PTPN9: variants seen among roughly 807,000 people sequenced by gnomAD.
PTPN9 encodes tyrosine-protein phosphatase non-receptor type 9.
A neutral mutation model predicts 69.8 loss-of-function variants in PTPN9; 26 were observed. The ratio of observed to expected loss-of-function variants is 0.37; its 90% CI spans 0.27 to 0.52. The LOEUF (loss-of-function observed/expected upper bound fraction) is 0.52. PTPN9 is among the 20% of genes least tolerant of loss of function. The probability of loss-of-function intolerance (pLI) is 0.91; values close to 1 mark genes in which losing one functional copy is unlikely to be tolerated. For synonymous variants in PTPN9, 274 were observed against 272.5 expected, an observed-to-expected ratio of 1.01 and a Z score of -0.05; for missense variants, 549 against 740.3, an observed-to-expected ratio of 0.74 and a Z score of 3.00.
At chr15:75,560,629 T>C (rs1296045193) in intron 1 of PTPN9, among the ~76,000 whole-genome samples, 1 of 152,228 alleles carries the variant, frequency 6.6e-6, no homozygotes, top group African/African-American at 2.4e-5. Flanking sequence ...CCTAGCACTC[T>C]GGGAGGCCAA....
chr15:75,578,644 G>C (rs950080359), intron 1 of PTPN9, 70 bp downstream of exon 1: 26 of 1,207,860 alleles, frequency 2.2e-5, no homozygotes, highest in African/African-American at 1.1e-4. Context: ...GCCGGCACTC[G>C]GGAGGCAGAG....
intron 1 of PTPN9, among the ~76,000 whole-genome samples, chr15:75,571,183 C>G (rs980515597): frequency 6.6e-6 from 1 of 151,902 alleles, no homozygotes; most frequent in African/African-American, 2.4e-5. Context: ...TTGCTTGAAC[C>G]CGGGAGGCGG....
chr15:75,565,117 T>C (rs900262214), intron 1 of PTPN9, among the ~76,000 whole-genome samples: 1 of 139,600 alleles, frequency 7.2e-6, no homozygotes, highest in African/African-American at 2.7e-5. Context: ...TATATAATAA[T>C]AATAATAATA....
intron 7 of PTPN9, among the ~76,000 whole-genome samples, chr15:75,499,730 G>T (rs910932726): frequency 2.6e-5 from 4 of 151,970 alleles, no homozygotes; most frequent in African/African-American, 9.7e-5. Flanking sequence ...TGGAGGAGGG[G>T]AGACTCCATA....
intron 1 of PTPN9, among the ~76,000 whole-genome samples, chr15:75,559,322 G>A (rs1047321625): frequency 1.7e-4 from 26 of 152,270 alleles, no homozygotes; most frequent in Admixed American, 8.5e-4. Context: ...CGGTTTTGTC[G>A]AGTAGAAAAG....
At chr15:75,559,909 G>A (rs2075097070) in intron 1 of PTPN9, among the ~76,000 whole-genome samples, 1 of 152,070 alleles carries the variant, frequency 6.6e-6, no homozygotes, top group Non-Finnish European at 1.5e-5. Context: ...GGAGGCCAAG[G>A]TGGGCAGATC....
In PTPN9 at chr15:75,563,359, T is replaced by G. The variant is rs180902457; in HGVS notation, c.63+15355A>C. ...ACCTGCCACCATGCCCAGCTAACTT[T>G]GGTATTTTTAGTAGAGAAAGGGTTT... On this transcript the variant is annotated intron_variant, in intron 1 of 12. Coordinates refer to ENST00000618819, the MANE Select transcript of PTPN9 (RefSeq NM_002833.4). Among the ~76,000 whole-genome samples, 4 of 152,228 alleles carry G rather than the reference T, an allele frequency of 2.6e-5. No homozygotes were observed. The East Asian group carries it at 7.7e-4, about 29-fold the overall frequency.
At chr15:75,544,557 AACAC>A (rs754902897) in intron 1 of PTPN9, among the ~76,000 whole-genome samples, 1 of 151,902 alleles carries the variant, frequency 6.6e-6, no homozygotes, top group Non-Finnish European at 1.5e-5. Context: ...AAACAAACAA[AACAC>A]ACACACACAA....
At chr15:75,488,110 G>A (rs576548784) in intron 8 of PTPN9, among the ~76,000 whole-genome samples, 6 of 151,742 alleles carry the variant, frequency 4.0e-5, no homozygotes, top group African/African-American at 1.2e-4. Flanking sequence ...ATGAAACCCC[G>A]TATCTACTAA....
intron 4 of PTPN9, among the ~76,000 whole-genome samples, chr15:75,517,749 GT>G (rs879590890): frequency 1.3e-5 from 2 of 152,024 alleles, no homozygotes; most frequent in Non-Finnish European, 2.9e-5. Flanking sequence ...GCTACCAATT[GT>G]TTTTTCCCTT....
intron 1 of PTPN9, among the ~76,000 whole-genome samples, chr15:75,578,171 C>A (rs1324104220): frequency 1.3e-5 from 2 of 152,128 alleles, no homozygotes; most frequent in African/African-American, 4.8e-5. Context: ...ACGAGAAGGG[C>A]TGGATCTTCC....
At chr15:75,571,985 A>G (rs1351158836) in intron 1 of PTPN9, among the ~76,000 whole-genome samples, 2 of 152,150 alleles carry the variant, frequency 1.3e-5, no homozygotes, top group African/African-American at 4.8e-5. Flanking sequence ...TGCAAAACCA[A>G]AATACCCTGA....
intron 7 of PTPN9, among the ~76,000 whole-genome samples, chr15:75,492,299 C>T (rs2074715401): frequency 6.6e-6 from 1 of 152,130 alleles, no homozygotes; most frequent in South Asian, 2.1e-4. Context: ...GTGGAGACAT[C>T]AGCACACAAA....
chr15:75,504,798 T>TG (rs1366500226), intron 7 of PTPN9, among the ~76,000 whole-genome samples: 21 of 112,372 alleles, frequency 1.9e-4, no homozygotes, highest in East Asian at 1.1e-3. Context: ...GGGAGGGAGG[T>TG]GGGGGGGTCA....
chr15:75,502,009 G>T (rs1195939071), intron 7 of PTPN9, among the ~76,000 whole-genome samples: 3 of 152,132 alleles, frequency 2.0e-5, no homozygotes, highest in African/African-American at 7.2e-5. Context: ...AATAAAAAAT[G>T]AGCTGGACAT....
At chr15:75,503,603 A>G (rs1326210392) in intron 7 of PTPN9, among the ~76,000 whole-genome samples, 200 of 127,026 alleles carry the variant, frequency 1.6e-3, no homozygotes, top group South Asian at 2.8e-3. Flanking sequence ...TGGGGGGGTC[A>G]GCCCCCCGCC....
intron 7 of PTPN9, among the ~76,000 whole-genome samples, chr15:75,502,827 T>TA (rs796306937): frequency 2.4e-4 from 36 of 152,076 alleles, no homozygotes; most frequent in Admixed American, 1.4e-3. Context: ...CTACTTTTTT[T>TA]AAAAAAAACT....
At chr15:75,553,202 T>C (rs577227349) in intron 1 of PTPN9, among the ~76,000 whole-genome samples, 2 of 152,280 alleles carry the variant, frequency 1.3e-5, no homozygotes, top group South Asian at 4.1e-4. Flanking sequence ...TAAGGATATG[T>C]GCAAGTAAAT....
chr15:75,578,922 C>G lies in PTPN9; in HGVS notation c.-146G>C. 1 of 367,584 alleles carries G rather than the reference C, an allele frequency of 2.7e-6. No individual in the cohort carries two copies. 22.8% of individuals were successfully genotyped at this position (367,584 alleles called of 1,614,324 possible). A position where few individuals can be genotyped will look rare whatever the true frequency, so the allele number is the denominator to read the frequency against. ...GGCCGGCAGGGCCCGGCGCCTGCAGCGGCCGCAAACGCCGCTTCTGCTTCC... is the reference window on the plus strand; with the variant it reads ...GGCCGGCAGGGCCCGGCGCCTGCAGGGGCCGCAAACGCCGCTTCTGCTTCC... On this transcript the variant is annotated 5_prime_UTR_variant, in exon 1 of 13. Transcript: ENST00000618819.
Sources: gnomAD v4.1 joint callset for allele counts (sites outside exome capture counted in the v4.1 genomes callset) on GRCh38, gnomAD v4.1.1 for gene constraint, MANE v1.5 for transcripts, NCBI Gene and HGNC (gene_info 2026-07-23, HGNC 2026-07-21) for gene names.